Variants in PRKN observed in about 807,000 individuals in gnomAD.
PRKN encodes the protein E3 ubiquitin-protein ligase parkin.
In PRKN, 56 loss-of-function variants were observed where a neutral mutation model predicts 59.5. The ratio of observed to expected loss-of-function variants is 0.94; its 90% CI spans 0.76 to 1.18. The LOEUF (loss-of-function observed/expected upper bound fraction) is 1.18. Ranked by LOEUF, PRKN falls within the 50% of genes most tolerant of loss-of-function variation. PRKN has a pLI of 0.00. For synonymous variants in PRKN, 250 were observed against 222.1 expected (o/e 1.13, Z -1.12); for missense variants, 657 against 596.4 (o/e 1.10, Z -1.06).
At chr6:162,722,159 G>T (rs940225653) in intron 1 of PRKN, among the ~76,000 whole-genome samples, 5 of 152,040 alleles carry the variant, frequency 3.3e-5, no homozygotes, top group Admixed American at 6.6e-5. Context: ...CAACCTATGT[G>T]TACCCATCCC....
At chr6:162,488,875 A>T (rs1262936695) in intron 1 of PRKN, among the ~76,000 whole-genome samples, 1 of 152,174 alleles carries the variant, frequency 6.6e-6, no homozygotes, top group East Asian at 1.9e-4. Context: ...AGGAAAGACA[A>T]ATATTTAATA....
chr6:162,640,660 A>G (rs768310336), intron 1 of PRKN, among the ~76,000 whole-genome samples: 3 of 152,210 alleles, frequency 2.0e-5, no homozygotes, highest in African/African-American at 4.8e-5. Context: ...TACTGCTTTC[A>G]TAAAGTATGT....
intron 1 of PRKN, among the ~76,000 whole-genome samples, chr6:162,472,804 T>TTATATATATATATA (rs1290741228): frequency 1.5e-4 from 14 of 94,044 alleles, no homozygotes; most frequent in Admixed American, 3.5e-4. Context: ...AACTTTTATT[T>TTATATATATATATA]TATATATATA....
chr6:162,093,979 T>G (rs978811777), intron 4 of PRKN, among the ~76,000 whole-genome samples: 1 of 152,012 alleles, frequency 6.6e-6, no homozygotes, highest in Admixed American at 6.6e-5. Context: ...GCAGAATCAG[T>G]CAGAAGACAA....
At chr6:162,581,239 C>A (rs551352977) in intron 1 of PRKN, among the ~76,000 whole-genome samples, 8 of 152,194 alleles carry the variant, frequency 5.3e-5, no homozygotes, top group Non-Finnish European at 8.8e-5. Context: ...CAGTTAGATT[C>A]ATTCATAAGC....
At chr6:161,919,558 G>C (rs1778702338) in intron 6 of PRKN, among the ~76,000 whole-genome samples, 1 of 152,292 alleles carries the variant, frequency 6.6e-6, no homozygotes, top group Non-Finnish European at 1.5e-5. Flanking sequence ...TGCTCTAGAT[G>C]GTTAAAGGTT....
chr6:162,527,617 A>G (rs1327837332), intron 1 of PRKN, among the ~76,000 whole-genome samples: 2 of 152,150 alleles, frequency 1.3e-5, no homozygotes, highest in African/African-American at 2.4e-5. Context: ...CTTCGTTACG[A>G]CTGGTTAAAA....
chr6:162,032,165 A>G (rs531154581), intron 5 of PRKN, among the ~76,000 whole-genome samples: 1 of 152,194 alleles, frequency 6.6e-6, no homozygotes, highest in Admixed American at 6.5e-5. Context: ...TTAAATGTTT[A>G]TATTTAAGAA....
rs150474664 is a variant in PRKN, at chr6:161,563,950, G to A, written c.933+5405C>T. 3.1e-3 allele frequency among the ~76,000 whole-genome samples: 477 copies of A among 152,252 alleles called. 5 individuals are homozygous for A. The highest frequency in any genetic ancestry group is 0.011 in the African/African-American group (444 of 41,532). On this transcript the variant is annotated intron_variant, in intron 8 of 11. Coordinates refer to ENST00000366898, the MANE Select transcript of PRKN (RefSeq NM_004562.3). Reference sequence around the variant, plus strand: ...TAGCACAATATTTGCAACTTACTTGGCAACCTATTTATTTACAAATATTCT... The same window carrying A: ...TAGCACAATATTTGCAACTTACTTGACAACCTATTTATTTACAAATATTCT...
intron 4 of PRKN, among the ~76,000 whole-genome samples, chr6:162,063,313 C>A (rs543127804): frequency 3.3e-5 from 5 of 152,250 alleles, no homozygotes; most frequent in Middle Eastern, 3.4e-3. Flanking sequence ...AAACCTTGAA[C>A]AGGCTATTCA....
At chr6:162,083,282 T>C (rs1290094223) in intron 4 of PRKN, among the ~76,000 whole-genome samples, 1 of 152,076 alleles carries the variant, frequency 6.6e-6, no homozygotes, top group Non-Finnish European at 1.5e-5. Context: ...TTAATAATAA[T>C]GCAAAGGTTT....
intron 2 of PRKN, among the ~76,000 whole-genome samples, chr6:162,265,731 C>G (rs1411668126): frequency 1.3e-5 from 2 of 152,116 alleles, no homozygotes. Flanking sequence ...CACACATGGC[C>G]CAGACCTGAG....
At chr6:162,148,072 T>C (rs1286793698) in intron 4 of PRKN, among the ~76,000 whole-genome samples, 2 of 152,188 alleles carry the variant, frequency 1.3e-5, no homozygotes, top group African/African-American at 2.4e-5. Context: ...CAGGGCACCA[T>C]AGTTCTGGTA....
At chr6:162,249,972 C>T (rs1779355744) in intron 3 of PRKN, among the ~76,000 whole-genome samples, 2 of 152,058 alleles carry the variant, frequency 1.3e-5, no homozygotes, top group Non-Finnish European at 2.9e-5. Context: ...AGGTCGAAAT[C>T]CTGTCTCTAC....
In PRKN at chr6:161,460,821, C is replaced by T. The variant is rs889050589; in HGVS notation, c.1084-73944G>A. On this transcript the variant is annotated intron_variant, in intron 9 of 11. Transcript: ENST00000366898. The surrounding 1 kb of genome is among the most constrained non-coding windows in gnomAD (Gnocchi z 5.0). ...CTGGAGTGCAGTGTCACAATCTCGGCCCACTGCAATCTCAGACTCCCTGGT... is the reference window on the plus strand; with the variant it reads ...CTGGAGTGCAGTGTCACAATCTCGGTCCACTGCAATCTCAGACTCCCTGGT... 6.6e-6 allele frequency among the ~76,000 whole-genome samples: 1 copy of T among 151,650 alleles called. No individual in the cohort carries two copies. Among genetic ancestry groups the T allele is most frequent in the Non-Finnish European group, 1.5e-5 (1 of 67,942 alleles).
intron 7 of PRKN, among the ~76,000 whole-genome samples, chr6:161,693,809 C>G (rs1312006275): frequency 6.6e-6 from 1 of 152,134 alleles, no homozygotes; most frequent in Admixed American, 6.5e-5. Context: ...GGCCAATTCC[C>G]AAAGTTTCAA....
chr6:162,308,290 G>T (rs2128116866), intron 2 of PRKN, among the ~76,000 whole-genome samples: 2 of 152,192 alleles, frequency 1.3e-5, no homozygotes, highest in Non-Finnish European at 2.9e-5. Context: ...AGAAAGAAAA[G>T]TCAAAAATAG....
intron 7 of PRKN, among the ~76,000 whole-genome samples, chr6:161,723,132 G>A (rs1562633317): frequency 6.6e-6 from 1 of 152,060 alleles, no homozygotes; most frequent in Non-Finnish European, 1.5e-5. Context: ...GCTGAGTGTG[G>A]AGGTGAGTGC....
At chr6:161,643,469 A>T (rs1783813998) in intron 7 of PRKN, among the ~76,000 whole-genome samples, 1 of 152,218 alleles carries the variant, frequency 6.6e-6, no homozygotes, top group African/African-American at 2.4e-5. Context: ...AAATTTAGAT[A>T]ACTCAAATTC....
Sources: gnomAD v4.1 joint callset for allele counts (sites outside exome capture counted in the v4.1 genomes callset) on GRCh38, gnomAD v4.1.1 for gene constraint, Gnocchi (gnomAD v3.1) non-coding constraint, MANE v1.5 for transcripts, NCBI Gene and HGNC (gene_info 2026-07-23, HGNC 2026-07-21) for gene names.